ARHGAP19: variants seen among roughly 807,000 people sequenced by gnomAD.
ARHGAP19 encodes Rho GTPase activating protein 19.
In ARHGAP19, 48 loss-of-function variants were observed where a neutral mutation model predicts 60.9. The ratio of observed to expected loss-of-function variants is 0.79; its 90% CI spans 0.62 to 1.00. The LOEUF (loss-of-function observed/expected upper bound fraction) is 1.00. Among genes scored for constraint, ARHGAP19 ranks in the 50% least tolerant of loss-of-function variants. ARHGAP19 has a pLI of 0.00. For missense variants in ARHGAP19, 562 were observed against 597.2 expected (o/e 0.94, Z 0.61); for synonymous variants, 209 against 215.5 (o/e 0.97, Z 0.27).
chr10:97,269,445 T>A (rs1027222376), intron 1 of ARHGAP19, among the ~76,000 whole-genome samples: 5 of 152,202 alleles, frequency 3.3e-5, no homozygotes, highest in African/African-American at 1.2e-4. Flanking sequence ...AATGCTTCTC[T>A]CTTCAACCTT....
chr10:97,246,828 C>T (rs528967565), intron 6 of ARHGAP19, among the ~76,000 whole-genome samples: 9 of 151,342 alleles, frequency 5.9e-5, no homozygotes, highest in African/African-American at 1.9e-4. Flanking sequence ...CAGGGAGACC[C>T]CCAACTCTAC....
In ARHGAP19 at chr10:97,263,509, T is replaced by A; in HGVS notation, c.524A>T (p.Asp175Val). ...DLESGEFHSNDVATLLKMFLG... is the reference protein window; with the variant it reads ...DLESGEFHSNVVATLLKMFLG... ...AAACATCTTCAGCAAAGTGGCAACA[T>A]CATTTGAGTGAAATTCCCCTGATTC... Residue 175 changes from aspartate (D) to valine (V), a missense_variant, in exon 4 of 12, where the codon GAT (aspartate) becomes GTT (valine). Coordinates refer to ENST00000358531, the MANE Select transcript of ARHGAP19 (RefSeq NM_032900.6). 1.2e-6 allele frequency: 2 copies of A among 1,614,118 alleles called. No individual in the cohort carries two copies. Among genetic ancestry groups the A allele is most frequent in the Non-Finnish European group, 1.7e-6 (2 of 1,180,024 alleles).
intron 1 of ARHGAP19, among the ~76,000 whole-genome samples, chr10:97,282,661 C>A (rs1164829612): frequency 6.6e-6 from 1 of 152,172 alleles, no homozygotes; most frequent in East Asian, 1.9e-4. Context: ...GTCTGGAACT[C>A]TGCCCTAGGG....
chr10:97,244,132 G>T lies in ARHGAP19; in HGVS notation c.1021C>A (p.His341Asn). Residue 341 changes from histidine to asparagine, a missense_variant, in exon 8 of 12, where the codon CAT (histidine) becomes AAT (asparagine). His to Asn is a moderately conservative substitution (Grantham distance 68). Transcript: ENST00000358531. ...KDDLDLIASC[H>N]TKSFQLAKSQ... The stretch of plus-strand genomic sequence containing the variant: ...TTTGCCAGCTGAAAGGACTTAGTAT[G>T]ACATGAAGCTATGAGGTCAAGGTCA... 4 of 1,612,804 alleles carry T rather than the reference G, an allele frequency of 2.5e-6. No homozygotes were observed. The highest frequency in any genetic ancestry group is 3.4e-6 in the Non-Finnish European group (4 of 1,179,594).
In ARHGAP19 at chr10:97,237,430, C is replaced by T. The variant is rs1422044548; in HGVS notation, c.1186-2115G>A. Among the ~76,000 whole-genome samples, 20 of 152,064 alleles carry T rather than the reference C, an allele frequency of 1.3e-4. 1 individual carries two copies. Among genetic ancestry groups the T allele is most frequent in the Admixed American group, 1.2e-3 (19 of 15,256 alleles). On this transcript the variant is annotated intron_variant, in intron 8 of 11. Transcript: ENST00000358531. ...TAATGGAGGTGAAAAATTCCTATCA[C>T]CTCATGATATCACTGCTGTCCTAAC...
chr10:97,285,301 T>TA (rs1301591087), intron 1 of ARHGAP19, among the ~76,000 whole-genome samples: 7 of 152,134 alleles, frequency 4.6e-5, no homozygotes, highest in Admixed American at 4.6e-4. Context: ...GATAAACTGT[T>TA]ATGTTTTTTA....
chr10:97,283,619 C>T (rs1843116550), intron 1 of ARHGAP19, among the ~76,000 whole-genome samples: 1 of 151,590 alleles, frequency 6.6e-6, no homozygotes, highest in South Asian at 2.1e-4. Context: ...AAATGATGCA[C>T]TTATTGGGAG....
At chr10:97,280,516 C>T (rs930604305) in intron 1 of ARHGAP19, among the ~76,000 whole-genome samples, 4 of 151,964 alleles carry the variant, frequency 2.6e-5, no homozygotes, top group Non-Finnish European at 5.9e-5. Context: ...CTCTTTCTTA[C>T]CATTTATCTA....
At chr10:97,268,703 C>T (rs186335821) in intron 1 of ARHGAP19, among the ~76,000 whole-genome samples, 2 of 152,280 alleles carry the variant, frequency 1.3e-5, no homozygotes, top group African/African-American at 4.8e-5. Context: ...GTCAAGAGAA[C>T]AGCACAGGAA....
intron 7 of ARHGAP19, 92 bp downstream of exon 7, chr10:97,246,180 C>A: frequency 9.5e-7 from 1 of 1,053,780 alleles, no homozygotes. Context: ...TATTATTTTC[C>A]ATGCTTTTAC....
At position 97,246,283 on chromosome 10, in the gene ARHGAP19, G is replaced by C. The variant is rs1564716044; in HGVS notation, c.982C>G (p.Gln328Glu). ...ARLHYLGSRTQASKDDLDLIA... is the reference protein window; with the variant it reads ...ARLHYLGSRTEASKDDLDLIA... ...ATTCCTATTCTTACCTTTGATGCCT[G>C]AGTTCTGGATCCCAAATAGTGCAAT... Residue 328 changes from glutamine (Q) to glutamate (E), a missense_variant, in exon 7 of 12, where the codon CAG (glutamine) becomes GAG (glutamate). Physicochemically the swap from Gln to Glu is conservative, Grantham distance 29. Coordinates refer to ENST00000358531, the MANE Select transcript of ARHGAP19 (RefSeq NM_032900.6). 4 of 1,613,632 alleles carry C rather than the reference G, an allele frequency of 2.5e-6. No individual in the cohort carries two copies. Among genetic ancestry groups the C allele is most frequent in the Non-Finnish European group, 3.4e-6 (4 of 1,179,694 alleles).
chr10:97,226,163 C>T (rs1257876427), intron 11 of ARHGAP19, 31 bp from the exon 12 acceptor site: 1 of 1,611,954 alleles, frequency 6.2e-7, no homozygotes, highest in Non-Finnish European at 8.5e-7. Flanking sequence ...GAGCGTTAGA[C>T]ATGTTCTTAA....
intron 1 of ARHGAP19, among the ~76,000 whole-genome samples, chr10:97,280,291 C>G (rs1843066931): frequency 6.6e-6 from 1 of 152,004 alleles, no homozygotes; most frequent in Admixed American, 6.6e-5. Context: ...CACCTGTAAT[C>G]CCAGCTACAA....
At chr10:97,256,987 G>A (rs1842762608) in intron 5 of ARHGAP19, among the ~76,000 whole-genome samples, 1 of 152,106 alleles carries the variant, frequency 6.6e-6, no homozygotes, top group African/African-American at 2.4e-5. Flanking sequence ...CGGGCGTGGT[G>A]GCGGGCGCCT....
At chr10:97,251,250 G>T (rs1589455735) in intron 6 of ARHGAP19, among the ~76,000 whole-genome samples, 1 of 31,456 alleles carries the variant, frequency 3.2e-5, no homozygotes, top group Non-Finnish European at 6.6e-5. Context: ...AAGGGAAGGG[G>T]GAGGGAAGGG....
At chr10:97,285,460 G>A (rs916714063) in intron 1 of ARHGAP19, among the ~76,000 whole-genome samples, 5 of 149,296 alleles carry the variant, frequency 3.3e-5, no homozygotes, top group Admixed American at 6.7e-5. Flanking sequence ...AGCCTCCCAA[G>A]TAGCTGGGAC....
In ARHGAP19 at chr10:97,226,101, T is replaced by C. The variant is rs1850889929; in HGVS notation, c.*21A>G. 1.9e-6 allele frequency: 3 copies of C among 1,613,228 alleles called. No individual in the cohort carries two copies. The highest frequency in any genetic ancestry group is 2.2e-5 in the South Asian group (2 of 91,038). The stretch of plus-strand genomic sequence containing the variant: ...TAAACAGAAAATTCTGCATGGACCA[T>C]AGGAGACAACTCTGGATCCTTCAGA... On this transcript the variant is annotated 3_prime_UTR_variant, in exon 12 of 12. Transcript: ENST00000358531.
intron 6 of ARHGAP19, among the ~76,000 whole-genome samples, chr10:97,248,888 G>A (rs1287568538): frequency 1.3e-5 from 2 of 152,060 alleles, no homozygotes; most frequent in South Asian, 2.1e-4. Flanking sequence ...CATAATCTCG[G>A]CTCAGTGCAA....
chr10:97,273,899 G>C (rs1220869814), intron 1 of ARHGAP19, among the ~76,000 whole-genome samples: 1 of 151,444 alleles, frequency 6.6e-6, no homozygotes, highest in Non-Finnish European at 1.5e-5. Context: ...AAAATGGACA[G>C]ACTCTAGCTA....
Sources: gnomAD v4.1 joint callset for allele counts (sites outside exome capture counted in the v4.1 genomes callset) on GRCh38, gnomAD v4.1.1 for gene constraint, MANE v1.5 for transcripts, NCBI Gene and HGNC (gene_info 2026-07-23, HGNC 2026-07-21) for gene names.